PFKFB4: variants seen among roughly 807,000 people sequenced by gnomAD.
PFKFB4 encodes the protein 6-phosphofructo-2-kinase/fructose-2,6-biphosphatase 4, also known as 6-phosphofructo-2-kinase/fructose-2,6-bisphosphatase 4.
PFKFB4 carries 42 observed loss-of-function variants against 62.8 expected under a neutral mutation model. The observed-to-expected ratio is 0.67, with a 90% CI of 0.52 to 0.86. The LOEUF is 0.86. PFKFB4 is among the 40% of genes least tolerant of loss of function. The probability of loss-of-function intolerance (pLI) is 0.00; values close to 1 mark genes in which losing one functional copy is unlikely to be tolerated. For missense variants in PFKFB4, 475 were observed against 627.2 expected, an observed-to-expected ratio of 0.76 and a Z score of 2.59; for synonymous variants, 204 against 240.7, an observed-to-expected ratio of 0.85 and a Z score of 1.41.
At chr3:48,552,646 C>T (rs570962639) in intron 1 of PFKFB4, among the ~76,000 whole-genome samples, 2 of 152,316 alleles carry the variant, frequency 1.3e-5, no homozygotes, top group Non-Finnish European at 2.9e-5. Flanking sequence ...AAGGGCAGTG[C>T]GACAGCTGCT....
chr3:48,562,560 C>T, upstream of PFKFB4: 1 of 564,232 alleles, frequency 1.8e-6, no homozygotes, highest in Non-Finnish European at 3.1e-6. The surrounding 1 kb of genome is among the most constrained non-coding windows in gnomAD (Gnocchi z 4.3). Flanking sequence ...TAGCAATGTC[C>T]AATGTCCAGG....
At chr3:48,532,023 G>A (rs1464894183) in intron 9 of PFKFB4, among the ~76,000 whole-genome samples, 1 of 152,166 alleles carries the variant, frequency 6.6e-6, no homozygotes, top group Non-Finnish European at 1.5e-5. Flanking sequence ...AATAAAAACA[G>A]AGGCCGGGTG....
upstream of PFKFB4, among the ~76,000 whole-genome samples, chr3:48,559,303 C>T (rs2107616974): frequency 6.6e-6 from 1 of 152,358 alleles, no homozygotes; most frequent in East Asian, 1.9e-4. Flanking sequence ...CTCCCCAAGG[C>T]CACCGTCCAC....
At chr3:48,540,406 C>T (rs150436458) in intron 4 of PFKFB4, among the ~76,000 whole-genome samples, 21 of 152,080 alleles carry the variant, frequency 1.4e-4, no homozygotes, top group South Asian at 8.3e-4. Context: ...AAGGTGGGGA[C>T]GAAATGGGAG....
chr3:48,562,627 C>A, upstream of PFKFB4: 1 of 691,940 alleles, frequency 1.4e-6, no homozygotes, highest in East Asian at 2.8e-5. The surrounding 1 kb of genome is among the most constrained non-coding windows in gnomAD (Gnocchi z 4.3). Flanking sequence ...ACCTGCATGA[C>A]AGTGGCTCCA....
At chr3:48,558,747 G>T (rs1388314102), upstream of PFKFB4, among the ~76,000 whole-genome samples, 1 of 152,088 alleles carries the variant, frequency 6.6e-6, no homozygotes, top group East Asian at 1.9e-4. Context: ...GTATCTACCC[G>T]CTTATTCCTC....
Sources: gnomAD v4.1 joint callset for allele counts (sites outside exome capture counted in the v4.1 genomes callset) on GRCh38, gnomAD v4.1.1 for gene constraint, Gnocchi (gnomAD v3.1) non-coding constraint, MANE v1.5 for transcripts, NCBI Gene and HGNC (gene_info 2026-07-23, HGNC 2026-07-21) for gene names.